Variants in RBFOX1 observed in about 807,000 individuals in gnomAD.
RBFOX1 encodes the protein RNA binding fox-1 homolog 1.
RBFOX1 carries 8 observed loss-of-function variants against 57.7 expected under a neutral mutation model. The observed-to-expected ratio is 0.14, with a 90% CI of 0.08 to 0.25. The LOEUF is 0.25. RBFOX1 is among the 10% of genes least tolerant of loss of function. The pLI, the probability that RBFOX1 is intolerant of heterozygous loss-of-function variation, is 1.00. For synonymous variants in RBFOX1, 326 were observed against 222.4 expected, an observed-to-expected ratio of 1.47 and a Z score of -4.15; for missense variants, 611 against 548.5, an observed-to-expected ratio of 1.11 and a Z score of -1.14.
intron 4 of RBFOX1, among the ~76,000 whole-genome samples, chr16:7,077,698 G>T (rs941359004): frequency 2.0e-5 from 3 of 152,080 alleles, no homozygotes; most frequent in African/African-American, 7.2e-5. Context: ...TATATCTGTC[G>T]GGTTGATAGA....
intron 3 of RBFOX1, among the ~76,000 whole-genome samples, chr16:6,856,145 C>T (rs1012665962): frequency 4.0e-4 from 61 of 151,208 alleles, no homozygotes; most frequent in African/African-American, 1.5e-3. Context: ...ACCTTCCCTT[C>T]CCTTTACCTT....
In RBFOX1 at chr16:6,654,623, T is replaced by G; in HGVS notation, c.-43T>G. ...CTCAGGATATCAAAGCAGACTGCAA[T>G]ACCTGCGTGGAAATAGAAGACAGAA... On this transcript the variant is annotated 5_prime_UTR_variant, in exon 3 of 16. Coordinates refer to ENST00000550418, the MANE Select transcript of RBFOX1 (RefSeq NM_018723.4). The G allele has an allele frequency of 6.6e-7, 1 of 1,512,628 alleles. No individual in the cohort carries two copies. The highest frequency in any genetic ancestry group is 8.8e-7 in the Non-Finnish European group (1 of 1,139,022). 93.7% of individuals were successfully genotyped at this position (1,512,628 alleles called of 1,614,324 possible).
chr16:7,246,173 C>T (rs778432571), intron 4 of RBFOX1, among the ~76,000 whole-genome samples: 1 of 152,150 alleles, frequency 6.6e-6, no homozygotes, highest in Non-Finnish European at 1.5e-5. Flanking sequence ...GAAGCCAAGA[C>T]TAATTTAGAA....
chr16:6,058,402 G>C (rs144259027), intron 1 of RBFOX1, among the ~76,000 whole-genome samples: 8 of 151,494 alleles, frequency 5.3e-5, no homozygotes, highest in African/African-American at 1.9e-4. Context: ...CTAACTTCTT[G>C]CACTGGCCTA....
chr16:7,600,201 C>A (rs1260377086), intron 9 of RBFOX1, among the ~76,000 whole-genome samples: 1 of 152,172 alleles, frequency 6.6e-6, no homozygotes, highest in Admixed American at 6.5e-5. Flanking sequence ...CAAAAGGGAA[C>A]TCAGAGAATT....
intron 15 of RBFOX1, chr16:7,709,378 C>G: frequency 8.4e-7 from 1 of 1,195,360 alleles, no homozygotes; most frequent in Non-Finnish European, 1.1e-6. Context: ...AGAGCACTTA[C>G]CTTAATGGAA....
At chr16:7,461,202 C>A (rs556347467) in intron 4 of RBFOX1, among the ~76,000 whole-genome samples, 13 of 151,894 alleles carry the variant, frequency 8.6e-5, no homozygotes, top group Admixed American at 5.2e-4. Context: ...ACAGTCTCAC[C>A]CTGTCCCCAG....
chr16:7,072,057 A>G (rs1432747104), intron 4 of RBFOX1, among the ~76,000 whole-genome samples: 1 of 152,214 alleles, frequency 6.6e-6, no homozygotes, highest in Non-Finnish European at 1.5e-5. Flanking sequence ...TTATTTCAAT[A>G]GCATTCCAAC....
At chr16:7,403,325 T>C (rs1427972290) in intron 4 of RBFOX1, among the ~76,000 whole-genome samples, 2 of 152,130 alleles carry the variant, frequency 1.3e-5, no homozygotes, top group African/African-American at 4.8e-5. Flanking sequence ...ATTAGACGTC[T>C]AGAATTCAGT....
rs749494970 is a variant in RBFOX1, at chr16:7,607,340, TAC to T, written c.676+4_676+5del. 1.9e-6 allele frequency: 3 copies of T among 1,609,322 alleles called. No individual in the cohort carries two copies. Among genetic ancestry groups the T allele is most frequent in the South Asian group, 1.1e-5 (1 of 89,400 alleles). On this transcript the variant is annotated splice_donor_region_variant and intron_variant, in intron 10 of 15. Transcript: ENST00000550418. Reference sequence around the variant, plus strand: ...TCTACAGTCCCGAATTCTATGCAGGTACAGAGTTTCTCTTTGCACGAAGTCTT... The same window carrying T: ...TCTACAGTCCCGAATTCTATGCAGGTAGAGTTTCTCTTTGCACGAAGTCTT...
At chr16:7,004,998 G>C (rs2093170863) in intron 3 of RBFOX1, among the ~76,000 whole-genome samples, 2 of 152,118 alleles carry the variant, frequency 1.3e-5, no homozygotes, top group South Asian at 4.1e-4. Context: ...ACAAAAATTA[G>C]CAGAGCATGA....
At chr16:6,974,176 A>G (rs369098399) in intron 3 of RBFOX1, among the ~76,000 whole-genome samples, 9 of 152,114 alleles carry the variant, frequency 5.9e-5, no homozygotes, top group African/African-American at 9.6e-5. Flanking sequence ...AATCCAGTCT[A>G]TCATTGCTGA....
intron 1 of RBFOX1, among the ~76,000 whole-genome samples, chr16:6,136,740 C>T (rs773783965): frequency 2.6e-5 from 4 of 152,140 alleles, no homozygotes; most frequent in African/African-American, 4.8e-5. Flanking sequence ...CCCAAAATAC[C>T]TAATGCATCA....
intron 3 of RBFOX1, among the ~76,000 whole-genome samples, chr16:6,746,394 G>A (rs1171312456): frequency 6.6e-6 from 1 of 152,152 alleles, no homozygotes; most frequent in Non-Finnish European, 1.5e-5. Flanking sequence ...AGAAAGTGGT[G>A]CGCTGGGCAT....
intron 1 of RBFOX1, among the ~76,000 whole-genome samples, chr16:5,428,138 G>GTGTA (rs2067621510): frequency 6.8e-6 from 1 of 146,412 alleles, no homozygotes; most frequent in Non-Finnish European, 1.5e-5. Flanking sequence ...GTGTGTGTGT[G>GTGTA]TGTGTGTGTA....
At position 6,601,564 on chromosome 16, in the gene RBFOX1, C is replaced by G. The variant is rs570092844; in HGVS notation, c.-63-53039C>G. On this transcript the variant is annotated intron_variant, in intron 2 of 15. Coordinates refer to ENST00000550418, the MANE Select transcript of RBFOX1 (RefSeq NM_018723.4). ...GCAAGCACCCTATGCTTGGAGTTAG[C>G]TCTGGTTAAAGGCTGTAAAAGGACC... Among the ~76,000 whole-genome samples the G allele has an allele frequency of 9.9e-4, 150 of 152,232 alleles. 1 individual carries two copies. The highest frequency in any genetic ancestry group is 6.8e-3 in the Middle Eastern group (2 of 294).
At chr16:6,862,643 G>A (rs561625603) in intron 3 of RBFOX1, among the ~76,000 whole-genome samples, 6 of 152,290 alleles carry the variant, frequency 3.9e-5, no homozygotes, top group African/African-American at 1.4e-4. Context: ...AATGGAAAAT[G>A]AAAGTGGTTT....
chr16:7,345,719 G>A (rs1038449931), intron 4 of RBFOX1, among the ~76,000 whole-genome samples: 7 of 152,202 alleles, frequency 4.6e-5, no homozygotes, highest in Non-Finnish European at 1.0e-4. Flanking sequence ...CATTACTGAG[G>A]ATAATGCAGA....
chr16:6,820,557 G>A (rs979364145), intron 3 of RBFOX1, among the ~76,000 whole-genome samples: 2 of 151,926 alleles, frequency 1.3e-5, no homozygotes, highest in Non-Finnish European at 2.9e-5. Flanking sequence ...TACTTGGGAT[G>A]GTGAGGCAGG....
Sources: gnomAD v4.1 joint callset for allele counts (sites outside exome capture counted in the v4.1 genomes callset) on GRCh38, gnomAD v4.1.1 for gene constraint, MANE v1.5 for transcripts, NCBI Gene and HGNC (gene_info 2026-07-23, HGNC 2026-07-21) for gene names.